Variants in NDUFV2 observed in about 807,000 individuals in gnomAD.
NDUFV2 encodes the protein NADH:ubiquinone oxidoreductase core subunit V2.
A neutral mutation model predicts 31.6 loss-of-function variants in NDUFV2; 18 were observed. The observed-to-expected ratio is 0.57, with a 90% confidence interval of 0.39 to 0.84. The LOEUF (loss-of-function observed/expected upper bound fraction) is 0.84, where lower values mean the gene tolerates loss of function less well. NDUFV2 is among the 40% of genes least tolerant of loss of function. The probability of loss-of-function intolerance (pLI) is 0.00; values close to 1 mark genes in which losing one functional copy is unlikely to be tolerated. For missense variants in NDUFV2, 314 were observed against 303.6 expected (o/e 1.03, Z -0.26); for synonymous variants, 83 against 99.8 (o/e 0.83, Z 1.01).
intron 6 of NDUFV2, among the ~76,000 whole-genome samples, chr18:9,126,195 A>G (rs945417867): frequency 6.6e-6 from 1 of 152,204 alleles, no homozygotes; most frequent in African/African-American, 2.4e-5. Context: ...TCTTTCAGTT[A>G]GCAGTAGTTA....
intron 1 of NDUFV2, among the ~76,000 whole-genome samples, chr18:9,109,373 C>T (rs1266189840): frequency 6.6e-6 from 1 of 152,188 alleles, no homozygotes; most frequent in East Asian, 1.9e-4. Flanking sequence ...CTGCTTCTGT[C>T]AGTTTTGTCT....
rs1192309623 is a variant in NDUFV2 at position 9,134,338 on chromosome 18, T to C, written c.*59T>C. On this transcript the variant is annotated 3_prime_UTR_variant, in exon 8 of 8. Transcript: ENST00000318388. ...ATAAAATATGGACTTCCAATCTACGTAAACTTATTTGTTTATTCTGCTCTG... is the reference window on the plus strand; with the variant it reads ...ATAAAATATGGACTTCCAATCTACGCAAACTTATTTGTTTATTCTGCTCTG... 3.9e-6 allele frequency: 5 copies of C among 1,295,218 alleles called. No individual in the cohort carries two copies. The highest frequency in any genetic ancestry group is 5.6e-6 in the Non-Finnish European group (5 of 894,078). The allele number at this position is 1,295,218 out of a possible 1,614,324, so 80.2% of individuals were successfully genotyped here.
chr18:9,123,333 A>G (rs972500680), intron 5 of NDUFV2, among the ~76,000 whole-genome samples: 1 of 152,090 alleles, frequency 6.6e-6, no homozygotes. Flanking sequence ...CCCCAACACC[A>G]TCAAGGTATA....
chr18:9,133,621 A>G (rs1041641729), intron 7 of NDUFV2: 1 of 153,318 alleles, frequency 6.5e-6, no homozygotes, highest in Admixed American at 6.5e-5. Flanking sequence ...GTCCCAAATC[A>G]TATTTCCTCA....
intron 1 of NDUFV2, among the ~76,000 whole-genome samples, chr18:9,114,824 G>A (rs571646848): frequency 2.2e-4 from 33 of 152,262 alleles, no homozygotes; most frequent in African/African-American, 6.5e-4. Flanking sequence ...ACTCATGTGC[G>A]TATCCAGAGC....
At position 9,102,785 on chromosome 18, in the gene NDUFV2, C is replaced by T. The variant is rs2077820921; in HGVS notation, c.42C>T (p.Leu14=). Residue 14 remains leucine (L), a synonymous_variant, in exon 1 of 8, where the codon CTC becomes CTT. Coordinates refer to ENST00000318388, the MANE Select transcript of NDUFV2 (RefSeq NM_021074.5). ...CGCTCCGGGCCCGGGCGGCTGGCCT[C>T]ACCGCCCACTGGGTAAGGAGGCTCA... ...SAALRARAAG[L]TAHWGRHVRN... The T allele has an allele frequency of 3.8e-6, 6 of 1,576,586 alleles. No individual in the cohort carries two copies. Among genetic ancestry groups the T allele is most frequent in the African/African-American group, 1.4e-5 (1 of 74,020 alleles).
intron 1 of NDUFV2, among the ~76,000 whole-genome samples, chr18:9,108,078 A>G (rs1414371394): frequency 6.6e-6 from 1 of 152,156 alleles, no homozygotes; most frequent in East Asian, 1.9e-4. Flanking sequence ...GGGATTTTAG[A>G]TATCTAAAGA....
chr18:9,104,128 A>G (rs767071305), intron 1 of NDUFV2: 10 of 1,611,944 alleles, frequency 6.2e-6, no homozygotes, highest in African/African-American at 1.3e-5. Context: ...CAGATTGGGC[A>G]TGGGGTCCGA....
At chr18:9,131,067 CAT>C (rs768500959) in intron 7 of NDUFV2, among the ~76,000 whole-genome samples, 10 of 152,194 alleles carry the variant, frequency 6.6e-5, no homozygotes, top group Non-Finnish European at 1.3e-4. Context: ...TAACAAATAA[CAT>C]AGTCAGCACA....
chr18:9,112,245 C>CT (rs2077875266), intron 1 of NDUFV2, among the ~76,000 whole-genome samples: 1 of 151,876 alleles, frequency 6.6e-6, no homozygotes, highest in Admixed American at 6.6e-5. Context: ...TCTCGAACTC[C>CT]TGACTTTGTG....
chr18:9,116,606 G>T (rs909735391), intron 1 of NDUFV2, among the ~76,000 whole-genome samples: 2 of 152,072 alleles, frequency 1.3e-5, no homozygotes, highest in Admixed American at 6.5e-5. Context: ...CCCATCTTTT[G>T]TACGTGTGTC....
At chr18:9,104,191 CG>C in intron 1 of NDUFV2, 1 of 1,612,022 alleles carries the variant, frequency 6.2e-7, no homozygotes, top group Non-Finnish European at 8.5e-7. Flanking sequence ...AGAAAAAGAT[CG>C]GTATGTATGA....
Position 9,119,386 on chromosome 18 carries a change from A to C in NDUFV2, c.181A>C (p.Lys61Gln), listed in dbSNP as rs1326789947. Residue 61 changes from lysine to glutamine, a missense_variant and splice_region_variant, in exon 3 of 8, where the codon AAG (lysine) becomes CAG (glutamine). Transcript: ENST00000318388. ...TPFDFTPENY[K>Q]RIEAIVKNYP... ...ATTTGATTTCACACCAGAAAACTAT[A>C]AGGTATGGCTAAATTAACATTATAA... 1.9e-6 allele frequency: 3 copies of C among 1,609,100 alleles called. No homozygotes were observed. In the Admixed American group the frequency reaches 5.0e-5, roughly 27 times the overall value.
intron 7 of NDUFV2, among the ~76,000 whole-genome samples, chr18:9,130,336 A>T (rs1483586667): frequency 6.6e-6 from 1 of 152,242 alleles, no homozygotes; most frequent in Non-Finnish European, 1.5e-5. Flanking sequence ...GATGTTACTT[A>T]TCAGTAATCA....
intron 5 of NDUFV2, among the ~76,000 whole-genome samples, chr18:9,124,145 TC>T (rs2077965084): frequency 6.6e-6 from 1 of 151,626 alleles, no homozygotes. Context: ...AAGGAACAAG[TC>T]CACTAAAAAC....
chr18:9,114,246 G>GT (rs2077885973), intron 1 of NDUFV2, among the ~76,000 whole-genome samples: 1 of 152,038 alleles, frequency 6.6e-6, no homozygotes, highest in Admixed American at 6.6e-5. Context: ...GAAGTAGATG[G>GT]TTTTTTAACC....
intron 7 of NDUFV2, 86 bp from the exon 8 acceptor site, chr18:9,134,100 T>G (rs2078063631): frequency 1.0e-6 from 1 of 956,590 alleles, no homozygotes; most frequent in Non-Finnish European, 1.7e-6. Context: ...GTTACTTAAC[T>G]GGGCTCTTGT....
At chr18:9,110,452 A>C (rs1010585920) in intron 1 of NDUFV2, among the ~76,000 whole-genome samples, 1 of 151,758 alleles carries the variant, frequency 6.6e-6, no homozygotes, top group Non-Finnish European at 1.5e-5. Flanking sequence ...AAAAACCGAG[A>C]GCTAAGATTT....
chr18:9,107,363 A>G (rs1298600358), intron 1 of NDUFV2, among the ~76,000 whole-genome samples: 3 of 152,218 alleles, frequency 2.0e-5, no homozygotes, highest in Admixed American at 2.0e-4. Flanking sequence ...TGTATAACCT[A>G]TTGAGTGACA....
Sources: gnomAD v4.1 joint callset for allele counts (sites outside exome capture counted in the v4.1 genomes callset) on GRCh38, gnomAD v4.1.1 for gene constraint, MANE v1.5 for transcripts, NCBI Gene and HGNC (gene_info 2026-07-23, HGNC 2026-07-21) for gene names.